PTPRC: variants seen among roughly 807,000 people sequenced by gnomAD.
PTPRC encodes receptor-type tyrosine-protein phosphatase C.
Under a neutral mutation model 155.9 loss-of-function variants are expected in PTPRC, and 44 were observed. That is an observed-to-expected ratio of 0.28 (90% CI 0.22 to 0.36). The LOEUF (loss-of-function observed/expected upper bound fraction) is 0.36, where lower values mean the gene tolerates loss of function less well. Among genes scored for constraint, PTPRC ranks in the 10% least tolerant of loss-of-function variants. The pLI is 1.00. For missense variants in PTPRC, 1,401 were observed against 1,564.6 expected (o/e 0.90, Z 1.76); for synonymous variants, 525 against 533.1 (o/e 0.98, Z 0.21).
intron 2 of PTPRC, among the ~76,000 whole-genome samples, chr1:198,659,005 CT>C (rs1396643121): frequency 6.6e-6 from 1 of 152,098 alleles, no homozygotes; most frequent in Non-Finnish European, 1.5e-5. Flanking sequence ...AAAGAATTTT[CT>C]TTCCAGACAA....
At position 198,716,832 on chromosome 1, in the gene PTPRC, A is replaced by G. The variant is rs1029540128; in HGVS notation, c.1442A>G (p.Lys481Arg). The change falls in exon 13 of 33, where the codon AAA becomes AGA. Residue 481 changes from lysine to arginine, a missense_variant. By Grantham distance (26) the Lys-to-Arg change is conservative. Around this residue, in one of 3 missense-constraint regions of PTPRC, gnomAD observed 867 missense variants for 970.4 expected, o/e 0.89. Transcript: ENST00000442510. ...GSAAMCHFTT[K>R]SAPPSQVWNM... is the part of the protein sequence containing the mutation. The stretch of plus-strand genomic sequence containing the variant: ...GCTGCAATGTGTCATTTCACAACTA[A>G]AAGTGCTCGTAAGTTATATGTTTTA... 1 of 1,613,458 alleles carries G rather than the reference A, an allele frequency of 6.2e-7. No individual in the cohort carries two copies. The highest frequency in any genetic ancestry group is 1.3e-5 in the African/African-American group (1 of 74,922).
At chr1:198,658,443 C>G (rs928426399) in intron 2 of PTPRC, among the ~76,000 whole-genome samples, 1 of 152,196 alleles carries the variant, frequency 6.6e-6, no homozygotes, top group East Asian at 1.9e-4. Context: ...TGTAATTGTG[C>G]TCATGAAAGA....
At chr1:198,716,964 T>C (rs1653622280) in intron 13 of PTPRC, 124 bp downstream of exon 13, 1 of 858,924 alleles carries the variant, frequency 1.2e-6, no homozygotes, top group African/African-American at 1.7e-5. Flanking sequence ...TGTTAACATC[T>C]AGGGCTTATA....
chr1:198,664,959 A>G (rs1664193754), intron 2 of PTPRC, among the ~76,000 whole-genome samples: 1 of 152,190 alleles, frequency 6.6e-6, no homozygotes, highest in Admixed American at 6.5e-5. Flanking sequence ...CCTTAAGGCT[A>G]ATGTTCTCGG....
chr1:198,714,449 T>C (rs1464837148), intron 12 of PTPRC, among the ~76,000 whole-genome samples: 4 of 151,964 alleles, frequency 2.6e-5, no homozygotes, highest in Admixed American at 2.6e-4. Flanking sequence ...ATTGGGCAAC[T>C]AAATAGTGTT....
At chr1:198,702,315 A>G in intron 5 of PTPRC, 72 bp from the exon 6 acceptor site, 1 of 1,586,876 alleles carries the variant, frequency 6.3e-7, no homozygotes, top group Non-Finnish European at 8.7e-7. Context: ...AATTGTGTTT[A>G]TGTTGGCTAT....
rs997103605 is a variant in PTPRC, at chr1:198,731,666, G to T, written c.1914G>T (p.Leu638Phe). ...MNVEPIHADI[L>F]LETYKRKIAD... ...TGGAGCCAATCCATGCAGATATTTTGTTGGAAACTTATAAGAGGAAGATTG... is the reference window on the plus strand; with the variant it reads ...TGGAGCCAATCCATGCAGATATTTTTTTGGAAACTTATAAGAGGAAGATTG... Residue 638 changes from leucine to phenylalanine, a missense_variant, in exon 18 of 33, where the codon TTG (leucine) becomes TTT (phenylalanine). Around this residue, in one of 3 missense-constraint regions of PTPRC, gnomAD observed 867 missense variants for 970.4 expected, o/e 0.89. Transcript: ENST00000442510. The T allele has an allele frequency of 1.2e-6, 2 of 1,611,804 alleles. No individual in the cohort carries two copies. The highest frequency in any genetic ancestry group is 8.5e-7 in the Non-Finnish European group (1 of 1,178,410).
intron 3 of PTPRC, 163 bp downstream of exon 3, chr1:198,692,536 TA>T: frequency 9.1e-7 from 1 of 1,097,416 alleles, no homozygotes; most frequent in African/African-American, 1.6e-5. Context: ...TTTCTGCTTA[TA>T]CGTTATAGAG....
chr1:198,721,384 A>G (rs544796397), intron 14 of PTPRC, among the ~76,000 whole-genome samples: 2 of 151,966 alleles, frequency 1.3e-5, no homozygotes, highest in South Asian at 2.1e-4. Flanking sequence ...AACTAAAGGG[A>G]AAAAAAAGGC....
intron 15 of PTPRC, among the ~76,000 whole-genome samples, chr1:198,726,130 GA>G (rs1289308285): frequency 1.3e-5 from 2 of 152,144 alleles, no homozygotes; most frequent in Admixed American, 6.5e-5. Context: ...TTATGGATTG[GA>G]ATGCTAACTT....
intron 15 of PTPRC, among the ~76,000 whole-genome samples, chr1:198,726,077 A>C (rs928670869): frequency 2.0e-5 from 3 of 152,206 alleles, no homozygotes; most frequent in Non-Finnish European, 2.9e-5. Context: ...TGTTGAGAAA[A>C]GTCTGATGCT....
chr1:198,665,307 C>A (rs968917821), intron 2 of PTPRC, among the ~76,000 whole-genome samples: 6 of 151,246 alleles, frequency 4.0e-5, no homozygotes, highest in Admixed American at 6.6e-5. Context: ...TTTCACCGCC[C>A]TGCTGCCTTT....
intron 2 of PTPRC, among the ~76,000 whole-genome samples, chr1:198,665,080 ATTTTTTTTTT>A (rs574626185): frequency 1.7e-5 from 1 of 59,564 alleles, no homozygotes; most frequent in Non-Finnish European, 3.0e-5. Context: ...TCCCGGCAGC[ATTTTTTTTTT>A]TTTTTTTTTT....
At position 198,739,379 on chromosome 1, in the gene PTPRC, G is replaced by A. The variant is rs1361239044; in HGVS notation, c.2404-2490G>A. ...CACAAATAGACTTAAAATAAGAGAT[G>A]GAAAATTATATTCTTTGTAAATGGA... On this transcript the variant is annotated intron_variant, in intron 23 of 32. Transcript: ENST00000442510. 2.0e-5 allele frequency among the ~76,000 whole-genome samples: 3 copies of A among 151,564 alleles called. No individual in the cohort carries two copies. In the East Asian group the frequency reaches 5.8e-4, roughly 30 times the overall value.
At chr1:198,694,835 G>GA (rs1666115555) in intron 3 of PTPRC, 4 of 947,638 alleles carry the variant, frequency 4.2e-6, no homozygotes, top group Non-Finnish European at 5.0e-6. Context: ...CATAGTAGTT[G>GA]AAAAAATCTA....
At chr1:198,739,482 G>A (rs554233253) in intron 23 of PTPRC, among the ~76,000 whole-genome samples, 9 of 151,850 alleles carry the variant, frequency 5.9e-5, no homozygotes, top group East Asian at 3.9e-4. Flanking sequence ...AAGAGACACC[G>A]ATTGTCTCTA....
intron 26 of PTPRC, among the ~76,000 whole-genome samples, chr1:198,747,242 T>C (rs1283543518): frequency 6.9e-6 from 1 of 144,628 alleles, no homozygotes; most frequent in Non-Finnish European, 1.5e-5. Flanking sequence ...GGGGAAAGGG[T>C]AGTTCAAGCA....
At chr1:198,729,532 T>G (rs909593400) in intron 17 of PTPRC, among the ~76,000 whole-genome samples, 1 of 152,162 alleles carries the variant, frequency 6.6e-6, no homozygotes, top group Non-Finnish European at 1.5e-5. Context: ...CATGAACCAT[T>G]GCGCCCGTCC....
At position 198,757,143 on chromosome 1, in the gene PTPRC, C is replaced by G. The variant is rs1047516976; in HGVS notation, c.*962C>G. On this transcript the variant is annotated 3_prime_UTR_variant, in exon 33 of 33. Transcript: ENST00000442510. ...TATGAAAAATATGATATTGCATATG[C>G]ATAGTTCCCATGTTAAATCCCATTC... is the stretch of plus-strand genomic sequence containing the variant. 4.0e-5 allele frequency: 6 copies of G among 151,478 alleles called. No individual in the cohort carries two copies. The highest frequency in any genetic ancestry group is 3.3e-4 in the Admixed American group (5 of 15,188). The allele number at this position is 151,478 out of a possible 1,614,324, so 9.4% of individuals were successfully genotyped here. A position where few individuals can be genotyped will look rare whatever the true frequency, so the allele number is the denominator to read the frequency against.
Sources: allele counts gnomAD v4.1 joint callset (sites outside exome capture counted in the v4.1 genomes callset), GRCh38; gene constraint gnomAD v4.1.1; regional missense constraint gnomAD v4.1.1; transcripts MANE v1.5; gene names NCBI Gene and HGNC (gene_info 2026-07-23, HGNC 2026-07-21).